WHR1: variants seen among roughly 807,000 people sequenced by gnomAD.
WHR1 encodes MHC class III HLA-RP1.
chr6:31,976,828 G>A, the WHR1 span, among the ~76,000 whole-genome samples: 3 of 152,238 alleles, frequency 2.0e-5, no homozygotes, highest in Admixed American at 2.0e-4. Context: ...GATCACTCGC[G>A]GTTAGGAGCT....
At chr6:31,979,248 G>A in the WHR1 span, among the ~76,000 whole-genome samples, 1 of 97,588 alleles carries the variant, frequency 1.0e-5, no homozygotes, top group Non-Finnish European at 2.0e-5. Flanking sequence ...GGAGGAGGGG[G>A]GGAGGAAGAG....
the WHR1 span, chr6:31,972,449 T>C: frequency 5.6e-5 from 90 of 1,612,876 alleles, no homozygotes; most frequent in Non-Finnish European, 6.8e-5. This position sits in a 1 kb window ranked among gnomAD's most constrained non-coding sequence, Gnocchi z 6.3. Context: ...CCGGAGACCT[T>C]TGGAGTTAAG....
the WHR1 span, among the ~76,000 whole-genome samples, chr6:31,978,072 G>A: frequency 6.6e-6 from 1 of 152,234 alleles, no homozygotes; most frequent in African/African-American, 2.4e-5. Context: ...ACAGGCTTGA[G>A]CCATCTCGCC....
chr6:31,972,926 C>A, the WHR1 span: 1 of 1,113,216 alleles, frequency 9.0e-7, no homozygotes, highest in Non-Finnish European at 1.3e-6. This position sits in a 1 kb window ranked among gnomAD's most constrained non-coding sequence, Gnocchi z 6.3. Context: ...GCAGGTAGTA[C>A]AGGGCATTTC....
chr6:31,979,247 G>A, the WHR1 span, among the ~76,000 whole-genome samples: 1 of 98,982 alleles, frequency 1.0e-5, no homozygotes, highest in Non-Finnish European at 2.0e-5. Flanking sequence ...AGGAGGAGGG[G>A]GGGAGGAAGA....
the WHR1 span, chr6:31,971,852 A>G: frequency 7.3e-7 from 1 of 1,379,114 alleles, no homozygotes; most frequent in Non-Finnish European, 9.7e-7. This position sits in a 1 kb window ranked among gnomAD's most constrained non-coding sequence, Gnocchi z 4.5. Flanking sequence ...CTTGCCCTTC[A>G]CCCACCCTCC....
chr6:31,977,577 C>T, the WHR1 span, among the ~76,000 whole-genome samples: 4 of 151,898 alleles, frequency 2.6e-5, no homozygotes, highest in Admixed American at 6.6e-5. Flanking sequence ...TCTTGATCTC[C>T]GGACCTCGTG....
chr6:31,972,046 G>A, the WHR1 span: 2,641 of 1,611,794 alleles, frequency 1.6e-3, 41 homozygotes, highest in African/African-American at 0.03. The surrounding 1 kb of genome is among the most constrained non-coding windows in gnomAD (Gnocchi z 6.3). Flanking sequence ...CAGCGACAGT[G>A]GCGGGCAAAC....
At chr6:31,972,213 G>A in the WHR1 span, 1 of 1,612,694 alleles carries the variant, frequency 6.2e-7, no homozygotes, top group Non-Finnish European at 8.5e-7. The surrounding 1 kb of genome is among the most constrained non-coding windows in gnomAD (Gnocchi z 6.3). Flanking sequence ...CGGAGGTGAT[G>A]CTGGTATGTG....
chr6:31,973,563 ATCTC>A, the WHR1 span, among the ~76,000 whole-genome samples: 1 of 152,214 alleles, frequency 6.6e-6, no homozygotes, highest in African/African-American at 2.4e-5. Context: ...AGCTATGGCT[ATCTC>A]TCTCCAGAAA....
chr6:31,980,830 T>G, the WHR1 span: 17 of 1,482,460 alleles, frequency 1.1e-5, no homozygotes, highest in African/African-American at 2.2e-4. Context: ...TCTGGCAGAT[T>G]ATGGAGCAAT....
At chr6:31,975,970 C>T in the WHR1 span, among the ~76,000 whole-genome samples, 1 of 150,544 alleles carries the variant, frequency 6.6e-6, no homozygotes, top group Non-Finnish European at 1.5e-5. Flanking sequence ...TCCTCACTTC[C>T]CAGTAGGGGC....
chr6:31,972,186 C>G, the WHR1 span: 1 of 1,611,666 alleles, frequency 6.2e-7, no homozygotes, highest in Non-Finnish European at 8.5e-7. The surrounding 1 kb of genome is among the most constrained non-coding windows in gnomAD (Gnocchi z 6.3). Context: ...CCGCGGCCGG[C>G]GTGGGGCCCG....
At chr6:31,971,768 T>C in the WHR1 span, 1 of 1,399,940 alleles carries the variant, frequency 7.1e-7, no homozygotes, top group Non-Finnish European at 9.5e-7. This position sits in a 1 kb window ranked among gnomAD's most constrained non-coding sequence, Gnocchi z 4.5. Context: ...AGCCACCTGA[T>C]CGCCAGGCTC....
the WHR1 span, chr6:31,973,513 G>A: frequency 6.3e-6 from 1 of 158,274 alleles, no homozygotes; most frequent in Non-Finnish European, 1.4e-5. Context: ...GGGTAGAGGA[G>A]TGATTTCTAA....
chr6:31,976,832 A>G, the WHR1 span, among the ~76,000 whole-genome samples: 13 of 152,354 alleles, frequency 8.5e-5, no homozygotes, highest in African/African-American at 3.1e-4. Flanking sequence ...ACTCGCGGTT[A>G]GGAGCTGGAG....
the WHR1 span, chr6:31,972,745 C>T: frequency 1.9e-6 from 3 of 1,612,470 alleles, no homozygotes; most frequent in Non-Finnish European, 1.7e-6. The surrounding 1 kb of genome is among the most constrained non-coding windows in gnomAD (Gnocchi z 6.3). Flanking sequence ...GGACCGTGGC[C>T]GACCGGCAGC....
chr6:31,971,186 G>A, the WHR1 span: 1 of 1,597,702 alleles, frequency 6.3e-7, no homozygotes, highest in South Asian at 1.1e-5. This position sits in a 1 kb window ranked among gnomAD's most constrained non-coding sequence, Gnocchi z 4.5. Flanking sequence ...TCTGACACAA[G>A]CATTAGTGAG....
At chr6:31,980,169 A>G in the WHR1 span, 5 of 451,444 alleles carry the variant, frequency 1.1e-5, no homozygotes, top group Non-Finnish European at 2.0e-5. Context: ...GTGTCAGGAC[A>G]TGTGGTCAGG....
Sources: gnomAD v4.1 joint callset for allele counts (sites outside exome capture counted in the v4.1 genomes callset) on GRCh38, gnomAD v4.1.1 for gene constraint, Gnocchi (gnomAD v3.1) non-coding constraint, MANE v1.5 for transcripts, NCBI Gene and HGNC (gene_info 2026-07-23, HGNC 2026-07-21) for gene names.